Variants in UVRAG observed in about 807,000 individuals in gnomAD.
UVRAG encodes the protein UV radiation resistance-associated gene protein.
In UVRAG, 19 loss-of-function variants were observed where a neutral mutation model predicts 78.0. That is an observed-to-expected ratio of 0.24 (90% CI 0.17 to 0.36). UVRAG has a LOEUF of 0.36. Ranked by LOEUF, UVRAG falls within the 10% of genes least tolerant of loss-of-function variation. The pLI, the probability that UVRAG is intolerant of heterozygous loss-of-function variation, is 1.00. For synonymous variants in UVRAG, 323 were observed against 324.6 expected (o/e 1.00, Z 0.05); for missense variants, 740 against 853.8 (o/e 0.87, Z 1.66).
chr11:76,124,466 T>C (rs140754160), intron 14 of UVRAG, among the ~76,000 whole-genome samples: 243 of 152,312 alleles, frequency 1.6e-3, no homozygotes, highest in African/African-American at 5.5e-3. Context: ...CCATCATTAG[T>C]GTGTAGTCTG....
At chr11:76,106,390 G>A (rs1644038034) in intron 13 of UVRAG, among the ~76,000 whole-genome samples, 1 of 151,562 alleles carries the variant, frequency 6.6e-6, no homozygotes, top group Non-Finnish European at 1.5e-5. Context: ...TTTTAAGATG[G>A]AATCCCGCTC....
At chr11:75,917,885 A>G (rs1947892408) in intron 6 of UVRAG, among the ~76,000 whole-genome samples, 1 of 152,150 alleles carries the variant, frequency 6.6e-6, no homozygotes, top group South Asian at 2.1e-4. Context: ...GTATTTTCCT[A>G]GACTATTTCC....
chr11:76,025,652 CA>C (rs1950313938), intron 12 of UVRAG, among the ~76,000 whole-genome samples: 1 of 152,068 alleles, frequency 6.6e-6, no homozygotes, highest in East Asian at 1.9e-4. Flanking sequence ...CTGACCTTAC[CA>C]AAACCCCAAG....
chr11:76,017,085 A>G (rs2135369754), intron 12 of UVRAG, 105 bp downstream of exon 12: 1 of 818,312 alleles, frequency 1.2e-6, no homozygotes, highest in Non-Finnish European at 1.7e-6. Flanking sequence ...CAACTTTTAT[A>G]TAACCTTTGT....
At chr11:76,023,560 A>G (rs1398353968) in intron 12 of UVRAG, among the ~76,000 whole-genome samples, 1 of 152,100 alleles carries the variant, frequency 6.6e-6, no homozygotes, top group Non-Finnish European at 1.5e-5. Context: ...AGTGACTTGC[A>G]TTAGTCCTTC....
chr11:76,121,578 G>T (rs952596724), intron 14 of UVRAG, among the ~76,000 whole-genome samples: 7 of 152,212 alleles, frequency 4.6e-5, no homozygotes, highest in African/African-American at 1.7e-4. Flanking sequence ...GAACTGAGTT[G>T]AAGAGATTAT....
At chr11:76,018,274 G>T (rs1950182583) in intron 12 of UVRAG, among the ~76,000 whole-genome samples, 1 of 151,308 alleles carries the variant, frequency 6.6e-6, no homozygotes, top group Non-Finnish European at 1.5e-5. Flanking sequence ...CCACTGTAAA[G>T]TCTGCTGCCA....
At chr11:75,944,544 A>G (rs1948553218) in intron 6 of UVRAG, among the ~76,000 whole-genome samples, 1 of 152,114 alleles carries the variant, frequency 6.6e-6, no homozygotes, top group South Asian at 2.1e-4. Flanking sequence ...TTACCTGCCA[A>G]ATGTTTATTC....
intron 3 of UVRAG, among the ~76,000 whole-genome samples, chr11:75,875,991 T>TG (rs1476076251): frequency 6.6e-6 from 1 of 152,008 alleles, no homozygotes; most frequent in Non-Finnish European, 1.5e-5. Context: ...GTGGGCAACA[T>TG]GGTGAGACCC....
chr11:76,038,700 TC>T (rs1280994554), intron 12 of UVRAG, among the ~76,000 whole-genome samples: 1 of 152,170 alleles, frequency 6.6e-6, no homozygotes, highest in Admixed American at 6.5e-5. Flanking sequence ...CTTGGCCTAA[TC>T]AAGTGAACCC....
chr11:76,062,440 A>G (rs1951111876), intron 12 of UVRAG, among the ~76,000 whole-genome samples: 1 of 152,166 alleles, frequency 6.6e-6, no homozygotes, highest in South Asian at 2.1e-4. Flanking sequence ...CTGTAGTGAA[A>G]TCAATCTCCT....
At chr11:75,961,664 CCA>C (rs1948913867) in intron 7 of UVRAG, 115 bp downstream of exon 7, 5 of 706,524 alleles carry the variant, frequency 7.1e-6, no homozygotes, top group African/African-American at 1.9e-5. Context: ...TCTTAATTGT[CCA>C]CAGAGAGTTC....
intron 12 of UVRAG, among the ~76,000 whole-genome samples, chr11:76,030,515 G>A (rs542946927): frequency 2.6e-5 from 4 of 152,302 alleles, no homozygotes; most frequent in African/African-American, 7.2e-5. Flanking sequence ...GGAATGCAGA[G>A]CATTTTCAAA....
chr11:75,996,111 A>G (rs1949701924), intron 8 of UVRAG, among the ~76,000 whole-genome samples: 1 of 152,094 alleles, frequency 6.6e-6, no homozygotes, highest in African/African-American at 2.4e-5. Context: ...AGGAATGGCA[A>G]ACTGTCATAT....
chr11:75,949,714 T>TATATACACACAC (rs59607906), intron 6 of UVRAG, among the ~76,000 whole-genome samples: 16 of 136,874 alleles, frequency 1.2e-4, no homozygotes, highest in Admixed American at 5.7e-4. Flanking sequence ...TATATATATA[T>TATATACACACAC]ACACACACAC....
chr11:75,846,383 T>G (rs1021674001), intron 1 of UVRAG, among the ~76,000 whole-genome samples: 1 of 152,200 alleles, frequency 6.6e-6, no homozygotes, highest in Non-Finnish European at 1.5e-5. Context: ...AAAAACCAAG[T>G]TTTAAATTTT....
intron 3 of UVRAG, among the ~76,000 whole-genome samples, chr11:75,864,764 T>C (rs1946501784): frequency 2.0e-5 from 3 of 152,254 alleles, no homozygotes; most frequent in Non-Finnish European, 4.4e-5. Flanking sequence ...AATTAGATAC[T>C]AAAGGATTAG....
At chr11:75,965,407 G>T (rs1036381631) in intron 7 of UVRAG, among the ~76,000 whole-genome samples, 3 of 152,170 alleles carry the variant, frequency 2.0e-5, no homozygotes, top group African/African-American at 4.8e-5. Flanking sequence ...CGACTTCCGG[G>T]TTCACACCAT....
chr11:75,984,586 A>G lies in UVRAG; in HGVS notation c.826+1073A>G, dbSNP rs534506573. Among the ~76,000 whole-genome samples, 168 of 152,330 alleles carry G rather than the reference A, an allele frequency of 1.1e-3. 1 individual carries two copies. Among genetic ancestry groups the G allele is most frequent in the African/African-American group, 3.8e-3 (158 of 41,578 alleles). On this transcript the variant is annotated intron_variant, in intron 8 of 14. Transcript: ENST00000356136. ...CACAGAGCTTGAATTTTCACAAAGC[A>G]AACATACCCATGTGAGCAGAATCTC... is the stretch of plus-strand genomic sequence containing the variant.
Sources: allele counts gnomAD v4.1 joint callset (sites outside exome capture counted in the v4.1 genomes callset), GRCh38; gene constraint gnomAD v4.1.1; transcripts MANE v1.5; gene names NCBI Gene and HGNC (gene_info 2026-07-23, HGNC 2026-07-21).